Variants in TNRC6B observed in about 807,000 individuals in gnomAD.
TNRC6B encodes trinucleotide repeat-containing gene 6B protein.
In TNRC6B, 52 loss-of-function variants were observed where a neutral mutation model predicts 203.6. That is an observed-to-expected ratio of 0.26 (90% CI 0.20 to 0.32). TNRC6B has a LOEUF of 0.32. TNRC6B is among the 10% of genes least tolerant of loss of function. The probability of loss-of-function intolerance (pLI) is 1.00; values close to 1 mark genes in which losing one functional copy is unlikely to be tolerated. For missense variants in TNRC6B, 1,923 were observed against 2,286.2 expected (o/e 0.84, Z 3.24); for synonymous variants, 838 against 845.7 (o/e 0.99, Z 0.16).
At chr22:40,270,698 T>A (rs1030808378) in intron 6 of TNRC6B, among the ~76,000 whole-genome samples, 1 of 152,190 alleles carries the variant, frequency 6.6e-6, no homozygotes, top group African/African-American at 2.4e-5. Flanking sequence ...TTTAAGCTGT[T>A]GATTCAATGA....
chr22:40,311,036 G>C (rs1325882656), intron 17 of TNRC6B, 43 bp downstream of exon 17: 1 of 1,560,636 alleles, frequency 6.4e-7, no homozygotes, highest in Non-Finnish European at 8.7e-7. Context: ...CATTTGTTTT[G>C]TAATTGTCAG....
chr22:40,216,370 A>T (rs1210038859), intron 1 of TNRC6B, among the ~76,000 whole-genome samples: 1 of 152,226 alleles, frequency 6.6e-6, no homozygotes, highest in Non-Finnish European at 1.5e-5. Flanking sequence ...CCCCACCTGC[A>T]CTATTTAGTT....
At position 40,328,795 on chromosome 22, in the gene TNRC6B, A is replaced by G. The variant is rs181377718; in HGVS notation, c.*5554A>G. 331 of 152,356 alleles carry G rather than the reference A, an allele frequency of 2.2e-3. 2 individuals carry two copies. The highest frequency in any genetic ancestry group is 6.9e-3 in the African/African-American group (285 of 41,570). The allele number at this position is 152,356 out of a possible 1,614,324, so 9.4% of individuals were successfully genotyped here. ...GGGAACAATTGAGTCTTTATGTAGA[A>G]AAGATCCATTTTTTCCCCATCCTCA... On this transcript the variant is annotated 3_prime_UTR_variant, in exon 23 of 23. Transcript: ENST00000454349.
At chr22:40,282,853 T>G (rs1339748060) in intron 11 of TNRC6B, among the ~76,000 whole-genome samples, 1 of 152,168 alleles carries the variant, frequency 6.6e-6, no homozygotes, top group African/African-American at 2.4e-5. Flanking sequence ...GGTAATTTTG[T>G]TTTTAATTTG....
At chr22:40,307,728 G>A (rs1320941299) in intron 15 of TNRC6B, among the ~76,000 whole-genome samples, 3 of 151,956 alleles carry the variant, frequency 2.0e-5, no homozygotes, top group Non-Finnish European at 4.4e-5. Flanking sequence ...CTTCCTCATT[G>A]CTTAAAGACT....
chr22:40,316,018 T>C lies in TNRC6B; in HGVS notation c.4974+6T>C, dbSNP rs202030125. ...TTCACAATCTCACCCCACAGGTAATTATGCTTTCTCGCAGTTTTCTAGATA... is the reference window on the plus strand; with the variant it reads ...TTCACAATCTCACCCCACAGGTAATCATGCTTTCTCGCAGTTTTCTAGATA... On this transcript the variant is annotated splice_donor_region_variant and intron_variant, in intron 21 of 22. Transcript: ENST00000454349. 16 of 1,613,042 alleles carry C rather than the reference T, an allele frequency of 9.9e-6. No individual in the cohort carries two copies. In the African/African-American group the frequency reaches 1.9e-4, roughly 19 times the overall value.
At chr22:40,189,140 A>G (rs1479563291) in intron 1 of TNRC6B, among the ~76,000 whole-genome samples, 1 of 152,178 alleles carries the variant, frequency 6.6e-6, no homozygotes, top group Non-Finnish European at 1.5e-5. Context: ...GATATTTTTG[A>G]TGCCCAGAGT....
chr22:40,273,030 T>C (rs961305428), intron 6 of TNRC6B, among the ~76,000 whole-genome samples: 6 of 152,238 alleles, frequency 3.9e-5, no homozygotes, highest in Admixed American at 2.6e-4. Flanking sequence ...ATAAAGTACA[T>C]ACTGAATGGA....
chr22:40,290,041 C>G (rs1569056089), intron 12 of TNRC6B, among the ~76,000 whole-genome samples: 2 of 152,298 alleles, frequency 1.3e-5, no homozygotes, highest in South Asian at 4.1e-4. Context: ...CTGGCCAAGC[C>G]ACCGCCGTTT....
upstream of TNRC6B, among the ~76,000 whole-genome samples, chr22:40,175,006 G>A (rs938153268): frequency 1.1e-4 from 16 of 152,030 alleles, no homozygotes; most frequent in African/African-American, 3.9e-4. Flanking sequence ...TAAACGATTA[G>A]ACTAATTGTA....
At chr22:40,289,756 A>G (rs1218859804) in intron 12 of TNRC6B, among the ~76,000 whole-genome samples, 1 of 152,200 alleles carries the variant, frequency 6.6e-6, no homozygotes, top group African/African-American at 2.4e-5. Flanking sequence ...CTGAATTCCA[A>G]AATTGTGTCT....
chr22:40,179,119 T>C (rs754100827), intron 1 of TNRC6B, among the ~76,000 whole-genome samples: 1 of 152,196 alleles, frequency 6.6e-6, no homozygotes, highest in East Asian at 1.9e-4. Context: ...TAGCAGTCTA[T>C]GTGATTGTTA....
At chr22:40,178,829 C>T (rs1200500767) in intron 1 of TNRC6B, among the ~76,000 whole-genome samples, 10 of 152,098 alleles carry the variant, frequency 6.6e-5, no homozygotes. Context: ...CAGCCAGATG[C>T]GCTTTTATTT....
At chr22:40,100,140 G>T (rs969066630) in intron 1 of TNRC6B, among the ~76,000 whole-genome samples, 23 of 151,634 alleles carry the variant, frequency 1.5e-4, no homozygotes, top group African/African-American at 5.6e-4. Context: ...AGGCTGGAGT[G>T]TAGTGGTGTG....
chr22:40,177,250 A>T (rs764902573), upstream of TNRC6B, among the ~76,000 whole-genome samples: 4 of 151,724 alleles, frequency 2.6e-5, no homozygotes, highest in Non-Finnish European at 5.9e-5. Context: ...GCCCAGAGAA[A>T]CTCCGTTTGC....
rs886329579 is a variant in TNRC6B, at chr22:40,301,547, C to G, written c.4120+214C>G. 9 of 555,622 alleles carry G rather than the reference C, an allele frequency of 1.6e-5. No homozygotes were observed. In the African/African-American group the frequency reaches 1.7e-4, roughly 11 times the overall value. 34.4% of individuals were successfully genotyped at this position (555,622 alleles called of 1,614,324 possible). A position where few individuals can be genotyped will look rare whatever the true frequency, so the allele number is the denominator to read the frequency against. On this transcript the variant is annotated intron_variant, in intron 15 of 22. Coordinates refer to ENST00000454349, the MANE Select transcript of TNRC6B (RefSeq NM_001162501.2). Reference sequence around the variant, plus strand: ...TGGTTACTAAATAGCAGAGCCAGGCCTCTAACTTCTCTGGCTCCAAAGCAG... The same window carrying G: ...TGGTTACTAAATAGCAGAGCCAGGCGTCTAACTTCTCTGGCTCCAAAGCAG...
intron 15 of TNRC6B, among the ~76,000 whole-genome samples, chr22:40,307,602 A>T (rs1189907314): frequency 6.6e-6 from 1 of 151,926 alleles, no homozygotes; most frequent in Admixed American, 6.6e-5. Context: ...CCAGCTCTCC[A>T]GCTCTGTGCA....
intron 1 of TNRC6B, among the ~76,000 whole-genome samples, chr22:40,115,401 G>A (rs992531277): frequency 8.5e-5 from 13 of 152,150 alleles, no homozygotes; most frequent in Admixed American, 4.6e-4. Flanking sequence ...ACATAACCAC[G>A]TAGCCTCGAG....
chr22:40,114,186 G>A (rs1601822344), intron 1 of TNRC6B, among the ~76,000 whole-genome samples: 1 of 152,116 alleles, frequency 6.6e-6, no homozygotes, highest in South Asian at 2.1e-4. Flanking sequence ...GGTGATACTA[G>A]TAAGATACCA....
Sources: allele counts gnomAD v4.1 joint callset (sites outside exome capture counted in the v4.1 genomes callset), GRCh38; gene constraint gnomAD v4.1.1; transcripts MANE v1.5; gene names NCBI Gene and HGNC (gene_info 2026-07-23, HGNC 2026-07-21).